The following CDK8 variants were observed in gnomAD, a reference collection of about 807,000 sequenced individuals.
CDK8 encodes the protein cyclin-dependent kinase 8.
CDK8 carries 29 observed loss-of-function variants against 71.5 expected under a neutral mutation model. The ratio of observed to expected loss-of-function variants is 0.41; its 90% confidence interval spans 0.30 to 0.55. CDK8 has a LOEUF of 0.55. CDK8 is among the 20% of genes least tolerant of loss of function. CDK8 has a pLI of 0.37. For synonymous variants in CDK8, 161 were observed against 192.1 expected (o/e 0.84, Z 1.34); for missense variants, 288 against 572.6 (o/e 0.50, Z 5.07).
chr13:26,382,896 C>G (rs765422516), intron 5 of CDK8, 25 bp downstream of exon 5: 2 of 1,510,806 alleles, frequency 1.3e-6, no homozygotes. Context: ...TGCTAAGTCA[C>G]AGTGTAGCAC....
intron 4 of CDK8, among the ~76,000 whole-genome samples, chr13:26,357,577 A>G (rs947248551): frequency 2.3e-4 from 35 of 152,304 alleles, no homozygotes; most frequent in Non-Finnish European, 1.0e-4. Flanking sequence ...CCAGTCTACT[A>G]TAGTCCTGGT....
chr13:26,378,375 C>A (rs1291117466), intron 4 of CDK8, among the ~76,000 whole-genome samples: 1 of 152,176 alleles, frequency 6.6e-6, no homozygotes, highest in African/African-American at 2.4e-5. Context: ...GAATGGTTGT[C>A]TCTGCAATAC....
At chr13:26,315,009 A>G (rs1874444304) in intron 1 of CDK8, among the ~76,000 whole-genome samples, 1 of 152,060 alleles carries the variant, frequency 6.6e-6, no homozygotes, top group Non-Finnish European at 1.5e-5. Context: ...ATCTAAATTG[A>G]TTTATCCCTG....
intron 4 of CDK8, among the ~76,000 whole-genome samples, chr13:26,355,583 C>T (rs1565983917): frequency 1.3e-5 from 2 of 152,098 alleles, no homozygotes; most frequent in South Asian, 4.1e-4. Flanking sequence ...CACTTCACTC[C>T]AGCCTGGGCG....
chr13:26,293,682 A>T (rs1221953348), intron 1 of CDK8, among the ~76,000 whole-genome samples: 1 of 151,414 alleles, frequency 6.6e-6, no homozygotes, highest in Non-Finnish European at 1.5e-5. Context: ...AATTTTTGTG[A>T]TATACAGTTT....
chr13:26,369,271 G>A (rs950190380), intron 4 of CDK8, among the ~76,000 whole-genome samples: 1 of 149,196 alleles, frequency 6.7e-6, no homozygotes, highest in African/African-American at 2.5e-5. Flanking sequence ...ATGGTGAAAT[G>A]CCATCTCTAC....
At position 26,401,131 on chromosome 13, in the gene CDK8, A is replaced by T. The variant is rs1876237591; in HGVS notation, c.1032-138A>T. 3.0e-6 allele frequency: 2 copies of T among 667,812 alleles called. No homozygotes were observed. The highest frequency in any genetic ancestry group is 3.9e-5 in the South Asian group (2 of 50,696). 41.4% of individuals were successfully genotyped at this position (667,812 alleles called of 1,614,324 possible). On this transcript the variant is annotated intron_variant, in intron 10 of 12. Coordinates refer to ENST00000381527, the MANE Select transcript of CDK8 (RefSeq NM_001260.3). This position sits in a 1 kb window ranked among gnomAD's most constrained non-coding sequence, Gnocchi z 4.5. ...ACAAAGAAAAGATTCGTTTTGTCAC[A>T]GTTACATGAAAGGTGCTTATATTTG... is the stretch of plus-strand genomic sequence containing the variant.
At chr13:26,264,132 A>G (rs1246698767) in intron 1 of CDK8, among the ~76,000 whole-genome samples, 1 of 152,252 alleles carries the variant, frequency 6.6e-6, no homozygotes, top group African/African-American at 2.4e-5. Context: ...AATTTCCAAG[A>G]AAATGTCAGA....
rs976416381 is a variant in CDK8 at position 26,373,462 on chromosome 13, C to T, written c.457-9352C>T. Among the ~76,000 whole-genome samples, 8 of 152,076 alleles carry T rather than the reference C, an allele frequency of 5.3e-5. No homozygotes were observed. In the East Asian group the frequency reaches 1.5e-3, roughly 29 times the overall value. On this transcript the variant is annotated intron_variant, in intron 4 of 12. Coordinates refer to ENST00000381527, the MANE Select transcript of CDK8 (RefSeq NM_001260.3). Reference sequence around the variant, plus strand: ...ATCAAGAATAAAAAAAAAATCATTCCTTTTGATATAACAATCTTTTAACAA... The same window carrying T: ...ATCAAGAATAAAAAAAAAATCATTCTTTTTGATATAACAATCTTTTAACAA...
intron 1 of CDK8, among the ~76,000 whole-genome samples, chr13:26,286,713 A>G (rs1873038164): frequency 6.6e-6 from 1 of 152,228 alleles, no homozygotes. Context: ...AGCAGAGTAA[A>G]CAGACAACCC....
chr13:26,284,257 C>T (rs905747794), intron 1 of CDK8, among the ~76,000 whole-genome samples: 1 of 152,060 alleles, frequency 6.6e-6, no homozygotes, highest in Non-Finnish European at 1.5e-5. Flanking sequence ...CAAACCCAAA[C>T]CCAAACGCAG....
intron 1 of CDK8, among the ~76,000 whole-genome samples, chr13:26,264,398 A>G (rs1593224894): frequency 1.3e-5 from 2 of 151,916 alleles, no homozygotes; most frequent in Middle Eastern, 3.4e-3. Context: ...TGATCCTCCC[A>G]CCTTAGCCTC....
chr13:26,294,312 C>G (rs1873442576), intron 1 of CDK8, among the ~76,000 whole-genome samples: 1 of 151,880 alleles, frequency 6.6e-6, no homozygotes, highest in South Asian at 2.1e-4. Flanking sequence ...ACTATATTTT[C>G]TTTATCCGTT....
rs747793612 is a variant in CDK8 at position 26,320,516 on chromosome 13, CAT to C, written c.129-17049_129-17048del. On this transcript the variant is annotated intron_variant, in intron 1 of 12. Transcript: ENST00000381527. ...TATGGCACAGGCAATAAAAGAAAAA[CAT>C]AGACAAATTGAACTTCATGAAAATT... 1.4e-4 allele frequency among the ~76,000 whole-genome samples: 22 copies of C among 152,030 alleles called. No individual in the cohort carries two copies. In the East Asian group the frequency reaches 3.7e-3, roughly 25 times the overall value.
At chr13:26,332,889 T>C (rs1872817370) in intron 1 of CDK8, among the ~76,000 whole-genome samples, 2 of 152,194 alleles carry the variant, frequency 1.3e-5, no homozygotes, top group African/African-American at 2.4e-5. Flanking sequence ...TCTCTAGTGC[T>C]TAGAACACTA....
intron 1 of CDK8, among the ~76,000 whole-genome samples, chr13:26,283,035 A>G (rs1158696374): frequency 1.3e-5 from 2 of 152,218 alleles, no homozygotes; most frequent in Non-Finnish European, 2.9e-5. Context: ...TGGACCTAAC[A>G]TTGGAGTTCC....
At position 26,254,760 on chromosome 13, in the gene CDK8, G is replaced by A. The variant is rs1363407568; in HGVS notation, c.119G>A (p.Arg40Lys). ...GTYGHVYKAK[R>K]KDGKDDKDYA... The stretch of plus-strand genomic sequence containing the variant: ...TATGGTCACGTCTACAAAGCCAAGA[G>A]GAAAGATGGGTGAGTGTGTGTGTCT... The change falls in exon 1 of 13, where the codon AGG (arginine) becomes AAG (lysine). Residue 40 changes from arginine to lysine, a missense_variant. Coordinates refer to ENST00000381527, the MANE Select transcript of CDK8 (RefSeq NM_001260.3). This position sits in a 1 kb window ranked among gnomAD's most constrained non-coding sequence, Gnocchi z 6.7. 6.2e-7 allele frequency: 1 copy of A among 1,612,122 alleles called. No individual in the cohort carries two copies. The highest frequency in any genetic ancestry group is 8.5e-7 in the Non-Finnish European group (1 of 1,179,188).
intron 5 of CDK8, among the ~76,000 whole-genome samples, 163 bp downstream of exon 5, chr13:26,383,034 C>T (rs1194648363): frequency 1.3e-5 from 2 of 152,158 alleles, no homozygotes; most frequent in African/African-American, 4.8e-5. Context: ...ATGTTTCACA[C>T]TCTTGAAAGG....
chr13:26,357,701 G>T (rs1593285954), intron 4 of CDK8, among the ~76,000 whole-genome samples: 1 of 152,316 alleles, frequency 6.6e-6, no homozygotes, highest in South Asian at 2.1e-4. Context: ...CAGTTGTGGA[G>T]GCTTGGTAAA....
Sources: gnomAD v4.1 joint callset for allele counts (sites outside exome capture counted in the v4.1 genomes callset) on GRCh38, gnomAD v4.1.1 for gene constraint, Gnocchi (gnomAD v3.1) non-coding constraint, MANE v1.5 for transcripts, NCBI Gene and HGNC (gene_info 2026-07-23, HGNC 2026-07-21) for gene names.